The following TOP3B variants were observed in gnomAD, a reference collection of about 807,000 sequenced individuals.
The protein encoded by TOP3B is DNA topoisomerase III beta.
TOP3B carries 45 observed loss-of-function variants against 93.9 expected under a neutral mutation model. The observed-to-expected ratio is 0.48, with a 90% CI of 0.38 to 0.61. TOP3B has a LOEUF of 0.61. Ranked by LOEUF, TOP3B falls within the 20% of genes least tolerant of loss-of-function variation. The probability of loss-of-function intolerance (pLI) is 0.00; values close to 1 mark genes in which losing one functional copy is unlikely to be tolerated. For synonymous variants in TOP3B, 357 were observed against 472.6 expected, an observed-to-expected ratio of 0.76 and a Z score of 3.17; for missense variants, 750 against 1,156.1, an observed-to-expected ratio of 0.65 and a Z score of 5.09.
intron 2 of TOP3B, 152 bp from the exon 3 acceptor site, chr22:21,974,640 G>T: frequency 1.2e-6 from 1 of 842,308 alleles, no homozygotes; most frequent in Non-Finnish European, 1.8e-6. Flanking sequence ...GCGGGTAGTT[G>T]GGCACTGAGA....
chr22:21,970,454 C>T lies in TOP3B; in HGVS notation c.385-48G>A. 5 of 1,581,058 alleles carry T rather than the reference C, an allele frequency of 3.2e-6. No homozygotes were observed. Among genetic ancestry groups the T allele is most frequent in the Non-Finnish European group, 4.3e-6 (5 of 1,159,152 alleles). On this transcript the variant is annotated intron_variant, in intron 5 of 17. Coordinates refer to ENST00000357179, the MANE Select transcript of TOP3B (RefSeq NM_001282112.2). The surrounding 1 kb of genome is among the most constrained non-coding windows in gnomAD (Gnocchi z 4.4). ...TGTGACCCACCTCCCAGATCCCTGC[C>T]ACAGCTCCCCACCCCACTGTGAAGC...
intron 8 of TOP3B, 85 bp downstream of exon 8, chr22:21,967,518 T>C (rs2071460104): frequency 9.7e-7 from 1 of 1,026,480 alleles, no homozygotes; most frequent in Non-Finnish European, 1.5e-6. Flanking sequence ...TGGACTAGGA[T>C]CACAGGCTGT....
At chr22:21,974,630 G>T in intron 2 of TOP3B, 142 bp from the exon 3 acceptor site, 3 of 942,208 alleles carry the variant, frequency 3.2e-6, no homozygotes, top group Non-Finnish European at 3.1e-6. Flanking sequence ...GCAGACTGGT[G>T]CGGGTAGTTG....
intron 9 of TOP3B, chr22:21,964,957 C>T: frequency 4.7e-6 from 1 of 212,938 alleles, no homozygotes. Flanking sequence ...ACCAGCTTTC[C>T]AGCCCAACCC....
Position 21,971,801 on chromosome 22 carries a change from G to T in TOP3B, c.384+76C>A. On this transcript the variant is annotated intron_variant, in intron 5 of 17. Transcript: ENST00000357179. This position sits in a 1 kb window ranked among gnomAD's most constrained non-coding sequence, Gnocchi z 4.6. ...CCTCCTTTGGCCCCAGGAGTGATGTGACTGACTGCTGGTGTCAGTTTGGGG... is the reference window on the plus strand; with the variant it reads ...CCTCCTTTGGCCCCAGGAGTGATGTTACTGACTGCTGGTGTCAGTTTGGGG... 4 of 1,345,330 alleles carry T rather than the reference G, an allele frequency of 3.0e-6. No individual in the cohort carries two copies. In the South Asian group the frequency reaches 4.7e-5, roughly 16 times the overall value. The allele number at this position is 1,345,330 out of a possible 1,614,324, so 83.3% of individuals were successfully genotyped here. A position where few individuals can be genotyped will look rare whatever the true frequency, so the allele number is the denominator to read the frequency against.
Position 21,970,940 on chromosome 22 carries a change from C to T in TOP3B, c.385-534G>A, listed in dbSNP as rs150688780. 1.2e-3 allele frequency: 1,413 copies of T among 1,133,530 alleles called. 13 individuals are homozygous for T. The African/African-American group carries it at 0.021, about 17-fold the overall frequency. The allele number at this position is 1,133,530 out of a possible 1,614,324, so 70.2% of individuals were successfully genotyped here. On this transcript the variant is annotated intron_variant, in intron 5 of 17. Coordinates refer to ENST00000357179, the MANE Select transcript of TOP3B (RefSeq NM_001282112.2). The surrounding 1 kb of genome is among the most constrained non-coding windows in gnomAD (Gnocchi z 4.4). ...GTCCTAGCTTGTGGTGGGGGCAGCT[C>T]GGGCTAAAGCACAGCAGGGGTCCTG... is the stretch of plus-strand genomic sequence containing the variant.
At chr22:21,974,638 T>C (rs1020321880) in intron 2 of TOP3B, 150 bp from the exon 3 acceptor site, 23 of 858,114 alleles carry the variant, frequency 2.7e-5, no homozygotes, top group Non-Finnish European at 4.0e-5. Context: ...GTGCGGGTAG[T>C]TGGGCACTGA....
chr22:21,958,400 G>C, intron 17 of TOP3B, 92 bp downstream of exon 17: 1 of 1,592,734 alleles, frequency 6.3e-7, no homozygotes, highest in African/African-American at 1.3e-5. Context: ...AGGGTGAGGG[G>C]TCCCCTCAGA....
At chr22:21,959,297 G>A (rs2266972) in intron 15 of TOP3B, 65 bp from the exon 16 acceptor site, 176,564 of 1,596,498 alleles carry the variant, frequency 0.11, 10,292 homozygotes, top group Non-Finnish European at 0.12. Context: ...TCCGCAACAC[G>A]TGGTCAAGGG....
rs756512407 is a variant in TOP3B, at chr22:21,970,415, G to C, written c.385-9C>G. The C allele has an allele frequency of 6.2e-7, 1 of 1,612,808 alleles. No homozygotes were observed. Among genetic ancestry groups the C allele is most frequent in the Non-Finnish European group, 8.5e-7 (1 of 1,179,578 alleles). On this transcript the variant is annotated splice_polypyrimidine_tract_variant and intron_variant, in intron 5 of 17. Coordinates refer to ENST00000357179, the MANE Select transcript of TOP3B (RefSeq NM_001282112.2). The surrounding 1 kb of genome is among the most constrained non-coding windows in gnomAD (Gnocchi z 4.4). ...AGAACAGCATCAAGAACCTGGGGGT[G>C]GGGAGTGGCCAGCTGTGACCCACCT...
At chr22:21,972,517 G>A (rs1413073702) in intron 4 of TOP3B, 95 bp downstream of exon 4, 2 of 971,664 alleles carry the variant, frequency 2.1e-6, no homozygotes, top group Non-Finnish European at 3.1e-6. Flanking sequence ...CCCTGTCCAA[G>A]GGGGATTAGG....
chr22:21,959,303 A>T, intron 15 of TOP3B, 71 bp from the exon 16 acceptor site: 1 of 1,595,064 alleles, frequency 6.3e-7, no homozygotes, highest in Non-Finnish European at 8.5e-7. Flanking sequence ...ACACGTGGTC[A>T]AGGGTCTGAG....
intron 8 of TOP3B, chr22:21,966,062 T>G (rs1601832529): frequency 6.6e-6 from 1 of 152,072 alleles, no homozygotes; most frequent in African/African-American, 2.4e-5. Context: ...TGACCAATTT[T>G]TTTTTTCAAT....
At chr22:21,972,976 A>G in intron 3 of TOP3B, 1 of 468,204 alleles carries the variant, frequency 2.1e-6, no homozygotes, top group Non-Finnish European at 3.9e-6. Context: ...GAGCCAAGCA[A>G]GCTCTCGGGG....
At chr22:21,958,924 A>G in intron 16 of TOP3B, 2 of 1,019,442 alleles carry the variant, frequency 2.0e-6, no homozygotes, top group Non-Finnish European at 2.8e-6. Flanking sequence ...GGTGTTAGGG[A>G]AAAATGCACC....
Position 21,959,728 on chromosome 22 carries a change from G to A in TOP3B, c.1663C>T (p.Leu555=). Residue 555 remains leucine (L), a synonymous_variant, in exon 15 of 18, where the codon CTG becomes TTG. Transcript: ENST00000357179. ...GCACTGCGGATGGTGGGGAGCACCA[G>A]CTCTGCATCTGCAAGTGGGCAGGGG... ...VHGYYKIDAE[L]VLPTIRSAVE... The A allele has an allele frequency of 1.2e-6, 2 of 1,612,842 alleles. No homozygotes were observed. The highest frequency in any genetic ancestry group is 1.7e-6 in the Non-Finnish European group (2 of 1,179,736).
At chr22:21,960,289 G>C (rs1379187915) in intron 14 of TOP3B, 32 bp downstream of exon 14, 1 of 1,612,440 alleles carries the variant, frequency 6.2e-7, no homozygotes, top group Non-Finnish European at 8.5e-7. Context: ...GGGAGCCTCG[G>C]TGGGCCCTGG....
At chr22:21,960,186 G>A in intron 14 of TOP3B, 135 bp downstream of exon 14, 1 of 1,338,374 alleles carries the variant, frequency 7.5e-7, no homozygotes, top group Non-Finnish European at 1.0e-6. Context: ...CCCTTCAGCG[G>A]GTGTTGAGGG....
At chr22:21,958,433 G>T in intron 17 of TOP3B, 59 bp downstream of exon 17, 2 of 1,611,420 alleles carry the variant, frequency 1.2e-6, no homozygotes, top group Non-Finnish European at 1.7e-6. Context: ...GCAAGGCAGG[G>T]GTTGGCACTG....
Sources: gnomAD v4.1 joint callset for allele counts on GRCh38, gnomAD v4.1.1 for gene constraint, Gnocchi (gnomAD v3.1) non-coding constraint, MANE v1.5 for transcripts, NCBI Gene and HGNC (gene_info 2026-07-23, HGNC 2026-07-21) for gene names.